GRID2: variants seen among roughly 807,000 people sequenced by gnomAD.
The protein encoded by GRID2 is glutamate ionotropic receptor delta type subunit 2.
GRID2 carries 33 observed loss-of-function variants against 114.8 expected under a neutral mutation model. That is an observed-to-expected ratio of 0.29 (90% CI 0.22 to 0.38). GRID2 has a LOEUF of 0.38. GRID2 is among the 10% of genes least tolerant of loss of function. The pLI, the probability that GRID2 is intolerant of heterozygous loss-of-function variation, is 1.00. For missense variants in GRID2, 1,184 were observed against 1,257.7 expected (o/e 0.94, Z 0.89); for synonymous variants, 505 against 449.9 (o/e 1.12, Z -1.55).
At chr4:93,012,351 C>T (rs1012405565) in intron 2 of GRID2, among the ~76,000 whole-genome samples, 1 of 152,032 alleles carries the variant, frequency 6.6e-6, no homozygotes, top group Non-Finnish European at 1.5e-5. Flanking sequence ...CACAGACATC[C>T]ATTTATTCCT....
chr4:92,693,759 A>T (rs1226537688), intron 2 of GRID2, among the ~76,000 whole-genome samples: 1 of 152,218 alleles, frequency 6.6e-6, no homozygotes, highest in African/African-American at 2.4e-5. Context: ...TTTCAAATCA[A>T]TTTCATGGAA....
intron 1 of GRID2, among the ~76,000 whole-genome samples, chr4:92,550,896 A>G (rs947940255): frequency 1.3e-5 from 2 of 152,220 alleles, no homozygotes; most frequent in Non-Finnish European, 2.9e-5. Context: ...AAGCAGTTAC[A>G]TTGCAAAGAC....
At chr4:93,782,610 G>C (rs1734502317) in intron 1 of GRID2, among the ~76,000 whole-genome samples, 1 of 152,038 alleles carries the variant, frequency 6.6e-6, no homozygotes, top group Non-Finnish European at 1.5e-5. Flanking sequence ...GATGCCATTA[G>C]AAAGATGACT....
At chr4:93,295,780 C>T (rs542042726) in intron 8 of GRID2, among the ~76,000 whole-genome samples, 1 of 152,256 alleles carries the variant, frequency 6.6e-6, no homozygotes, top group African/African-American at 2.4e-5. Flanking sequence ...TTCACAAAAA[C>T]ACTGAGATTG....
chr4:92,529,626 T>G (rs1360948719), intron 1 of GRID2, among the ~76,000 whole-genome samples: 1 of 152,086 alleles, frequency 6.6e-6, no homozygotes, highest in Non-Finnish European at 1.5e-5. Context: ...GAACATGAAG[T>G]TGGCCCACTA....
intron 13 of GRID2, among the ~76,000 whole-genome samples, chr4:93,560,221 G>GAAAAAAAAAAAA (rs1734769092): frequency 1.3e-4 from 1 of 7,476 alleles, no homozygotes; most frequent in Non-Finnish European, 2.6e-4. Context: ...AGAACTTAAA[G>GAAAAAAAAAAAA]TAAAAAAAAA....
chr4:93,560,396 G>A (rs1394822809), intron 13 of GRID2, among the ~76,000 whole-genome samples: 1 of 152,044 alleles, frequency 6.6e-6, no homozygotes, highest in Non-Finnish European at 1.5e-5. Context: ...GGTAGAAGGA[G>A]AAGAGAAAGC....
intron 2 of GRID2, among the ~76,000 whole-genome samples, chr4:92,924,485 T>G (rs1465722105): frequency 1.3e-5 from 2 of 152,134 alleles, no homozygotes; most frequent in Non-Finnish European, 2.9e-5. Flanking sequence ...TCACCATTTC[T>G]GAAATTAAGT....
chr4:93,222,505 G>A (rs767989771), intron 6 of GRID2, among the ~76,000 whole-genome samples: 1 of 151,480 alleles, frequency 6.6e-6, no homozygotes, highest in Non-Finnish European at 1.5e-5. Flanking sequence ...TAGGGTACAT[G>A]TGCACAATGT....
intron 1 of GRID2, among the ~76,000 whole-genome samples, chr4:92,449,679 A>T (rs1720790290): frequency 2.2e-5 from 1 of 45,850 alleles, no homozygotes; most frequent in South Asian, 7.9e-4. Flanking sequence ...TCTTACTGAT[A>T]TATATATATA....
intron 12 of GRID2, among the ~76,000 whole-genome samples, chr4:93,504,088 G>A (rs1364843819): frequency 6.6e-6 from 1 of 151,952 alleles, no homozygotes; most frequent in Non-Finnish European, 1.5e-5. Context: ...CTTATTCATG[G>A]TAACTTATTT....
At chr4:93,111,011 A>G in intron 4 of GRID2, 58 bp downstream of exon 4, 2 of 1,062,922 alleles carry the variant, frequency 1.9e-6, no homozygotes, top group South Asian at 2.5e-5. Context: ...GCTTTGGAAT[A>G]GACCCTACAG....
At chr4:93,057,346 C>T (rs1271583930) in intron 2 of GRID2, among the ~76,000 whole-genome samples, 12 of 151,914 alleles carry the variant, frequency 7.9e-5, no homozygotes, top group Admixed American at 5.3e-4. Flanking sequence ...ATAATGTGAC[C>T]TACAGTCACA....
At chr4:93,453,295 A>G (rs1722873169) in intron 10 of GRID2, among the ~76,000 whole-genome samples, 1 of 149,214 alleles carries the variant, frequency 6.7e-6, no homozygotes, top group Non-Finnish European at 1.5e-5. Context: ...TAGGAAGACT[A>G]TACAAAACTC....
At chr4:93,331,134 C>CA (rs1553911158) in intron 8 of GRID2, among the ~76,000 whole-genome samples, 8 of 147,038 alleles carry the variant, frequency 5.4e-5, no homozygotes, top group African/African-American at 7.6e-5. Flanking sequence ...TAACCCCCCC[C>CA]CCATTTCACT....
At chr4:93,574,170 A>G (rs1161407031) in intron 13 of GRID2, among the ~76,000 whole-genome samples, 2 of 152,166 alleles carry the variant, frequency 1.3e-5, no homozygotes, top group Admixed American at 6.5e-5. Context: ...CCAAGGCACA[A>G]ATTGAATTGT....
At chr4:92,935,599 G>A (rs200396999) in intron 2 of GRID2, among the ~76,000 whole-genome samples, 7 of 146,768 alleles carry the variant, frequency 4.8e-5, no homozygotes, top group East Asian at 4.3e-4. Context: ...TGTTTATTGC[G>A]GCACTATTCA....
At chr4:93,413,284 C>T (rs1182014104) in intron 9 of GRID2, among the ~76,000 whole-genome samples, 1 of 152,152 alleles carries the variant, frequency 6.6e-6, no homozygotes, top group African/African-American at 2.4e-5. Context: ...TTAGTAATCA[C>T]CATTCTGACT....
chr4:93,558,017 A>G (rs1033072328), intron 13 of GRID2, among the ~76,000 whole-genome samples: 2 of 152,220 alleles, frequency 1.3e-5, no homozygotes, highest in African/African-American at 4.8e-5. Flanking sequence ...TAAGGCAGAG[A>G]TAAATAAGTT....
Sources: gnomAD v4.1 joint callset for allele counts (sites outside exome capture counted in the v4.1 genomes callset) on GRCh38, gnomAD v4.1.1 for gene constraint, MANE v1.5 for transcripts, NCBI Gene and HGNC (gene_info 2026-07-23, HGNC 2026-07-21) for gene names.